CTNNA2: variants seen among roughly 807,000 people sequenced by gnomAD.
CTNNA2 encodes catenin alpha 2, also known as catenin alpha-2.
A neutral mutation model predicts 101.0 loss-of-function variants in CTNNA2; 42 were observed. The observed-to-expected ratio is 0.42, with a 90% confidence interval of 0.32 to 0.54. The LOEUF is 0.54. Among genes scored for constraint, CTNNA2 ranks in the 20% least tolerant of loss-of-function variants. The pLI is 0.14. For missense variants in CTNNA2, 871 were observed against 1,223.1 expected (o/e 0.71, Z 4.29); for synonymous variants, 450 against 456.4 (o/e 0.99, Z 0.18).
At chr2:80,622,704 T>A (rs1161876104) in intron 18 of CTNNA2, among the ~76,000 whole-genome samples, 1 of 151,866 alleles carries the variant, frequency 6.6e-6, no homozygotes, top group African/African-American at 2.4e-5. Context: ...AGATTTGCGG[T>A]GGATATTTTG....
At chr2:80,231,624 C>G (rs1264843075) in intron 7 of CTNNA2, among the ~76,000 whole-genome samples, 5 of 152,112 alleles carry the variant, frequency 3.3e-5, no homozygotes, top group South Asian at 2.1e-4. Flanking sequence ...ACACAATTGA[C>G]CAACATTAAC....
chr2:80,409,986 T>G (rs1196685555), intron 8 of CTNNA2, among the ~76,000 whole-genome samples: 4 of 152,220 alleles, frequency 2.6e-5, no homozygotes, highest in African/African-American at 9.6e-5. Flanking sequence ...ATTGAGTACA[T>G]TAAAATGAGG....
At chr2:80,526,482 G>A (rs1029926446) in intron 9 of CTNNA2, among the ~76,000 whole-genome samples, 2 of 151,960 alleles carry the variant, frequency 1.3e-5, no homozygotes, top group Non-Finnish European at 2.9e-5. Flanking sequence ...ACAGATGTGC[G>A]TCACCACGCC....
intron 7 of CTNNA2, among the ~76,000 whole-genome samples, chr2:80,014,331 G>C (rs1005633983): frequency 6.6e-6 from 1 of 151,802 alleles, no homozygotes; most frequent in African/African-American, 2.4e-5. Flanking sequence ...GGTTCCGGAG[G>C]GGTGACGACA....
At chr2:79,762,997 C>T (rs572998465) in intron 3 of CTNNA2, among the ~76,000 whole-genome samples, 18 of 152,270 alleles carry the variant, frequency 1.2e-4, no homozygotes, top group African/African-American at 4.1e-4. Context: ...TTAACTAGAA[C>T]TTTAACCCAA....
Position 79,724,249 on chromosome 2 carries a change from G to T in CTNNA2, c.103-20138G>T, listed in dbSNP as rs1686670622. Among the ~76,000 whole-genome samples, 3 of 150,624 alleles carry T rather than the reference G, an allele frequency of 2.0e-5. No individual in the cohort carries two copies. The South Asian group carries it at 6.3e-4, about 32-fold the overall frequency. Reference sequence around the variant, plus strand: ...TTGGTCTAGTATGCTTGTTCATATTGTGACAAGTGACACCTTTGGGAAAAA... The same window carrying T: ...TTGGTCTAGTATGCTTGTTCATATTTTGACAAGTGACACCTTTGGGAAAAA... On this transcript the variant is annotated intron_variant, in intron 2 of 18. Coordinates refer to ENST00000402739, the MANE Select transcript of CTNNA2 (RefSeq NM_001282597.3).
In CTNNA2 at chr2:79,891,274, G is replaced by A. The variant is rs76686012; in HGVS notation, c.852+16932G>A. Among the ~76,000 whole-genome samples, 419 of 152,132 alleles carry A rather than the reference G, an allele frequency of 2.8e-3. 2 individuals carry two copies. The highest frequency in any genetic ancestry group is 9.8e-3 in the African/African-American group (406 of 41,508). ...CAGATTTGCATGGAAGTTAAGAATC[G>A]TGTTTTATTTTAAAGCAAGTACATG... On this transcript the variant is annotated intron_variant, in intron 6 of 18. Transcript: ENST00000402739.
chr2:80,073,183 G>T (rs1698453120), intron 7 of CTNNA2, among the ~76,000 whole-genome samples: 2 of 152,170 alleles, frequency 1.3e-5, no homozygotes, highest in Admixed American at 1.3e-4. Flanking sequence ...ATGCCGGGTG[G>T]CATTTTAAGG....
intron 2 of CTNNA2, among the ~76,000 whole-genome samples, chr2:79,728,324 G>T (rs1016761275): frequency 6.6e-6 from 1 of 152,110 alleles, no homozygotes; most frequent in South Asian, 2.1e-4. Context: ...TTCTCTGATG[G>T]CCAGTGATGA....
At position 80,295,298 on chromosome 2, in the gene CTNNA2, G is replaced by T. The variant is rs866488036; in HGVS notation, c.1057-97913G>T. On this transcript the variant is annotated intron_variant, in intron 7 of 18. Transcript: ENST00000402739. ...TGTCTCAGGTCTCATGTGCGGGTGA[G>T]TGTGTGTGTCCTCTCTAGGATTCCC... Among the ~76,000 whole-genome samples the T allele has an allele frequency of 2.0e-5, 3 of 151,796 alleles. No individual in the cohort carries two copies. The South Asian group carries it at 6.2e-4, about 32-fold the overall frequency.
intron 7 of CTNNA2, among the ~76,000 whole-genome samples, chr2:80,110,652 G>A (rs1701160850): frequency 6.6e-6 from 1 of 152,130 alleles, no homozygotes; most frequent in Non-Finnish European, 1.5e-5. Context: ...TGGACCATGT[G>A]GACCCATAGC....
At chr2:79,214,718 C>T (rs761109150) in intron 2 of CTNNA2, among the ~76,000 whole-genome samples, 14 of 151,820 alleles carry the variant, frequency 9.2e-5, no homozygotes, top group Non-Finnish European at 2.1e-4. Context: ...GGGAAAAGGG[C>T]GGCAGTGAGA....
At chr2:79,316,653 A>G (rs1299697634) in intron 3 of CTNNA2, among the ~76,000 whole-genome samples, 6 of 151,784 alleles carry the variant, frequency 4.0e-5, no homozygotes, top group African/African-American at 1.2e-4. Context: ...ATTTATTCCT[A>G]AACATTTTAC....
chr2:79,781,656 A>G (rs1674435660), intron 3 of CTNNA2, among the ~76,000 whole-genome samples: 1 of 152,190 alleles, frequency 6.6e-6, no homozygotes, highest in South Asian at 2.1e-4. Context: ...ATGTAAAGCT[A>G]TCTGAACTGG....
intron 3 of CTNNA2, among the ~76,000 whole-genome samples, chr2:79,831,393 C>T (rs1678913845): frequency 6.6e-6 from 1 of 152,054 alleles, no homozygotes; most frequent in Non-Finnish European, 1.5e-5. Flanking sequence ...ACAATATTTT[C>T]ACTCTAAAGC....
At chr2:80,326,473 G>GC (rs747343025) in intron 7 of CTNNA2, among the ~76,000 whole-genome samples, 54 of 152,056 alleles carry the variant, frequency 3.6e-4, no homozygotes, top group Admixed American at 6.6e-4. Context: ...TGCCATCCCT[G>GC]CCCCCCTTGC....
At chr2:80,613,389 C>A (rs952733811) in intron 17 of CTNNA2, among the ~76,000 whole-genome samples, 5 of 151,210 alleles carry the variant, frequency 3.3e-5, no homozygotes, top group Non-Finnish European at 5.9e-5. Context: ...CAATTCAAGA[C>A]TTGTTTTTGG....
At chr2:80,575,708 C>T (rs1025672201) in intron 13 of CTNNA2, among the ~76,000 whole-genome samples, 2 of 152,088 alleles carry the variant, frequency 1.3e-5, no homozygotes, top group Non-Finnish European at 2.9e-5. Flanking sequence ...ATGTTTGTCA[C>T]AACCATTCAC....
At chr2:80,547,656 G>A (rs990768770) in intron 11 of CTNNA2, among the ~76,000 whole-genome samples, 2 of 144,354 alleles carry the variant, frequency 1.4e-5, no homozygotes, top group Admixed American at 6.9e-5. Flanking sequence ...CTAGAGCTTA[G>A]CTGATAAAAG....
Sources: gnomAD v4.1 joint callset for allele counts (sites outside exome capture counted in the v4.1 genomes callset) on GRCh38, gnomAD v4.1.1 for gene constraint, MANE v1.5 for transcripts, NCBI Gene and HGNC (gene_info 2026-07-23, HGNC 2026-07-21) for gene names.